IL22RA2: variants seen among roughly 807,000 people sequenced by gnomAD.
The protein encoded by IL22RA2 is interleukin 22 receptor subunit alpha 2.
IL22RA2 carries 39 observed loss-of-function variants against 30.7 expected under a neutral mutation model. The observed-to-expected ratio is 1.27, with a 90% CI of 0.98 to 1.66. The LOEUF is 1.66. IL22RA2 is among the 40% of genes most tolerant of loss of function. The pLI is 0.00. For synonymous variants in IL22RA2, 103 were observed against 105.0 expected, an observed-to-expected ratio of 0.98 and a Z score of 0.11; for missense variants, 315 against 312.7, an observed-to-expected ratio of 1.01 and a Z score of -0.05.
chr6:137,168,940 C>T (rs1335206263), intron 1 of IL22RA2, among the ~76,000 whole-genome samples: 1 of 152,208 alleles, frequency 6.6e-6, no homozygotes, highest in Non-Finnish European at 1.5e-5. Context: ...CCTATATCAA[C>T]TGAAAATCTG....
chr6:137,147,947 A>T (rs1320946863), intron 5 of IL22RA2, 56 bp from the exon 6 acceptor site: 43 of 1,467,664 alleles, frequency 2.9e-5, no homozygotes, highest in Non-Finnish European at 4.1e-5. Flanking sequence ...TTATATACAG[A>T]CGCATTATGT....
At chr6:137,167,539 C>G (rs1185150736) in intron 1 of IL22RA2, among the ~76,000 whole-genome samples, 2 of 152,170 alleles carry the variant, frequency 1.3e-5, no homozygotes, top group East Asian at 1.9e-4. Flanking sequence ...GCAGTACAAC[C>G]CTTCTAACCT....
chr6:137,158,370 A>T lies in IL22RA2; in HGVS notation c.174T>A (p.Ser58Arg). The change falls in exon 3 of 7, where the codon AGT becomes AGA. Residue 58 changes from serine to arginine, a missense_variant. Transcript: ENST00000296980. ...QPGRALTGNS[S>R]VYFVQYKIMF... is the part of the protein sequence containing the mutation. ...ACATTTTGTACTGCACAAAATAGACACTGCTGTTGCCAGTAAGTGCCCTCC... is the reference window on the plus strand; with the variant it reads ...ACATTTTGTACTGCACAAAATAGACTCTGCTGTTGCCAGTAAGTGCCCTCC... 1 of 1,614,184 alleles carries T rather than the reference A, an allele frequency of 6.2e-7. No individual in the cohort carries two copies. The highest frequency in any genetic ancestry group is 1.1e-5 in the South Asian group (1 of 91,084).
At chr6:137,157,420 A>G (rs1047541423) in intron 3 of IL22RA2, among the ~76,000 whole-genome samples, 34 of 152,016 alleles carry the variant, frequency 2.2e-4, no homozygotes, top group Admixed American at 2.0e-3. Flanking sequence ...CAATCGCTAC[A>G]TAAAATATGT....
intron 2 of IL22RA2, 60 bp from the exon 3 acceptor site, chr6:137,158,542 A>T: frequency 6.4e-7 from 1 of 1,558,740 alleles, no homozygotes; most frequent in Admixed American, 1.7e-5. Context: ...TGTTCCCAGC[A>T]GTAGTTTTCA....
Position 137,145,740 on chromosome 6 carries a change from C to G in IL22RA2, c.676G>C (p.Val226Leu), listed in dbSNP as rs768824042. 6.2e-7 allele frequency: 1 copy of G among 1,613,996 alleles called. No individual in the cohort carries two copies. The highest frequency in any genetic ancestry group is 8.5e-7 in the Non-Finnish European group (1 of 1,179,948). The change falls in exon 7 of 7, where the codon GTT (valine) becomes CTT (leucine). Residue 226 changes from valine (V) to leucine (L), a missense_variant. Physicochemically the swap from Val to Leu is conservative, Grantham distance 32. Transcript: ENST00000296980. ...QKVYEGAHRAVEIEALTPHSS... is the reference protein window; with the variant it reads ...QKVYEGAHRALEIEALTPHSS... ...TGTGGTGTTAGAGCTTCAATTTCAACCGCTCTGTGAGCCCCTTCATAAACC... is the reference window on the plus strand; with the variant it reads ...TGTGGTGTTAGAGCTTCAATTTCAAGCGCTCTGTGAGCCCCTTCATAAACC...
At chr6:137,162,150 G>A (rs1778533150) in intron 1 of IL22RA2, among the ~76,000 whole-genome samples, 1 of 152,158 alleles carries the variant, frequency 6.6e-6, no homozygotes, top group Admixed American at 6.5e-5. Context: ...GGCCCCAGGA[G>A]GCGGAGAGGC....
intron 1 of IL22RA2, among the ~76,000 whole-genome samples, 175 bp downstream of exon 1, chr6:137,173,238 G>A (rs1253504678): frequency 2.0e-5 from 3 of 152,158 alleles, no homozygotes; most frequent in Non-Finnish European, 4.4e-5. Flanking sequence ...CAGGCGTGAC[G>A]GTGTGTGCCT....
chr6:137,157,472 G>A (rs947101231), intron 3 of IL22RA2, among the ~76,000 whole-genome samples: 51 of 152,156 alleles, frequency 3.4e-4, no homozygotes, highest in African/African-American at 1.2e-3. Context: ...TGCTTCTGGG[G>A]ATATTCCTTC....
chr6:137,149,530 T>A (rs1402275579), intron 5 of IL22RA2, among the ~76,000 whole-genome samples: 1 of 152,218 alleles, frequency 6.6e-6, no homozygotes. Flanking sequence ...CCTGCCAATG[T>A]TGCTTACTAA....
At chr6:137,152,949 G>T (rs1349041145) in intron 5 of IL22RA2, among the ~76,000 whole-genome samples, 1 of 152,100 alleles carries the variant, frequency 6.6e-6, no homozygotes, top group Non-Finnish European at 1.5e-5. Context: ...TATTCCAGGG[G>T]CTCTCATCTT....
chr6:137,156,233 C>T (rs970468634), intron 4 of IL22RA2, among the ~76,000 whole-genome samples: 1 of 152,018 alleles, frequency 6.6e-6, no homozygotes, highest in South Asian at 2.1e-4. Context: ...TAAATCAGAC[C>T]AATGTAACAA....
intron 5 of IL22RA2, among the ~76,000 whole-genome samples, chr6:137,148,660 T>A (rs1778227558): frequency 6.6e-6 from 1 of 152,216 alleles, no homozygotes; most frequent in African/African-American, 2.4e-5. Context: ...GTTTGGAGAA[T>A]GTGTTTTATC....
intron 1 of IL22RA2, among the ~76,000 whole-genome samples, chr6:137,165,071 G>A (rs529515656): frequency 1.3e-5 from 2 of 152,338 alleles, no homozygotes; most frequent in African/African-American, 4.8e-5. Flanking sequence ...ATATCAGGCA[G>A]TATACACAAC....
At chr6:137,154,522 G>A (rs10457017) in intron 5 of IL22RA2, among the ~76,000 whole-genome samples, 22,044 of 152,076 alleles carry the variant, frequency 0.14, 1,695 homozygotes, top group Non-Finnish European at 0.17. Context: ...GGCAGAGGCC[G>A]GAGAATCGCT....
chr6:137,157,828 C>T (rs1778440207), intron 3 of IL22RA2, among the ~76,000 whole-genome samples: 2 of 152,162 alleles, frequency 1.3e-5, no homozygotes, highest in African/African-American at 4.8e-5. Context: ...ACGAGAGGAA[C>T]ATGCAGCAGC....
In IL22RA2 at chr6:137,165,079, A is replaced by G. The variant is rs1390786889; in HGVS notation, c.-65-3265T>C. Among the ~76,000 whole-genome samples the G allele has an allele frequency of 2.6e-5, 4 of 152,238 alleles. No homozygotes were observed. The East Asian group carries it at 7.7e-4, about 29-fold the overall frequency. On this transcript the variant is annotated intron_variant, in intron 1 of 6. Coordinates refer to ENST00000296980, the MANE Select transcript of IL22RA2 (RefSeq NM_052962.3). ...ACAGGAGATATCAGGCAGTATACAC[A>G]ACAAGCACTCCTGATAGAGGCTGAC...
chr6:137,153,218 G>A (rs1034866202), intron 5 of IL22RA2, among the ~76,000 whole-genome samples: 30 of 152,196 alleles, frequency 2.0e-4, no homozygotes, highest in African/African-American at 5.8e-4. Flanking sequence ...AAGAACTTAA[G>A]TTAATGTGAA....
At chr6:137,149,857 C>A (rs1451375968) in intron 5 of IL22RA2, among the ~76,000 whole-genome samples, 1 of 152,132 alleles carries the variant, frequency 6.6e-6, no homozygotes, top group Non-Finnish European at 1.5e-5. Context: ...GTTTGCTATG[C>A]CAGAGGGCCT....
Sources: gnomAD v4.1 joint callset for allele counts (sites outside exome capture counted in the v4.1 genomes callset) on GRCh38, gnomAD v4.1.1 for gene constraint, MANE v1.5 for transcripts, NCBI Gene and HGNC (gene_info 2026-07-23, HGNC 2026-07-21) for gene names.